MAP3K13: variants seen among roughly 807,000 people sequenced by gnomAD.
MAP3K13 encodes the protein mitogen-activated protein kinase kinase kinase 13.
In MAP3K13, 52 loss-of-function variants were observed where a neutral mutation model predicts 104.0. The observed-to-expected ratio is 0.50, with a 90% CI of 0.40 to 0.63. MAP3K13 has a LOEUF of 0.63. Among genes scored for constraint, MAP3K13 ranks in the 20% least tolerant of loss-of-function variants. The pLI, the probability that MAP3K13 is intolerant of heterozygous loss-of-function variation, is 0.00. For missense variants in MAP3K13, 914 were observed against 1,218.5 expected (o/e 0.75, Z 3.72); for synonymous variants, 394 against 442.2 (o/e 0.89, Z 1.37).
At chr3:185,449,170 G>A (rs372852817) in intron 5 of MAP3K13, among the ~76,000 whole-genome samples, 21 of 151,942 alleles carry the variant, frequency 1.4e-4, no homozygotes, top group East Asian at 1.4e-3. Flanking sequence ...TCAGGAGTTC[G>A]AGACCAGCCT....
At chr3:185,369,091 A>G (rs1379682085) in intron 1 of MAP3K13, among the ~76,000 whole-genome samples, 1 of 152,254 alleles carries the variant, frequency 6.6e-6, no homozygotes, top group Non-Finnish European at 1.5e-5. Context: ...AGTGAATAAA[A>G]CAGACAAAAA....
intron 1 of MAP3K13, among the ~76,000 whole-genome samples, chr3:185,416,723 G>A (rs1226833011): frequency 6.6e-6 from 1 of 151,958 alleles, no homozygotes; most frequent in East Asian, 1.9e-4. Flanking sequence ...AGACCCTCTG[G>A]GCTCAAGTGA....
rs1010385675 is a variant in MAP3K13 at position 185,416,807 on chromosome 3, G to A, written c.-85-11690G>A. Reference sequence around the variant, plus strand: ...CAGCTATTTTTTTTTTTTTTTTGTAGTAACAGGGTCTCACTGTGTTGCCCA... The same window carrying A: ...CAGCTATTTTTTTTTTTTTTTTGTAATAACAGGGTCTCACTGTGTTGCCCA... On this transcript the variant is annotated intron_variant, in intron 1 of 13. Transcript: ENST00000265026. 4.7e-4 allele frequency among the ~76,000 whole-genome samples: 68 copies of A among 146,104 alleles called. 1 individual carries two copies. The highest frequency in any genetic ancestry group is 1.7e-3 in the African/African-American group (67 of 39,570).
intron 1 of MAP3K13, among the ~76,000 whole-genome samples, chr3:185,396,563 A>T (rs1367324086): frequency 6.6e-6 from 1 of 152,212 alleles, no homozygotes; most frequent in Non-Finnish European, 1.5e-5. Context: ...CATGGCTATT[A>T]TGAGGCTCAA....
intron 4 of MAP3K13, among the ~76,000 whole-genome samples, chr3:185,446,312 G>C (rs1282953600): frequency 1.3e-5 from 2 of 150,850 alleles, no homozygotes; most frequent in East Asian, 3.9e-4. Context: ...CTGTAGTGCA[G>C]TGGCACAATC....
intron 7 of MAP3K13, among the ~76,000 whole-genome samples, chr3:185,462,792 TAAAC>T (rs974976300): frequency 4.1e-4 from 62 of 152,178 alleles, no homozygotes; most frequent in African/African-American, 1.4e-3. Context: ...AATAAATAAA[TAAAC>T]AAATTTTTTT....
intron 8 of MAP3K13, among the ~76,000 whole-genome samples, chr3:185,464,366 C>T (rs1268668512): frequency 1.3e-5 from 2 of 152,130 alleles, no homozygotes; most frequent in East Asian, 1.9e-4. Context: ...CCAAATCTCA[C>T]CTCATATTGT....
intron 2 of MAP3K13, among the ~76,000 whole-genome samples, chr3:185,322,080 T>C (rs1253330676): frequency 2.0e-5 from 3 of 152,260 alleles, no homozygotes; most frequent in African/African-American, 7.2e-5. Context: ...GGATTTGTCT[T>C]TAAAAGCTCA....
At chr3:185,319,401 A>G (rs1222558953) in intron 2 of MAP3K13, among the ~76,000 whole-genome samples, 1 of 152,274 alleles carries the variant, frequency 6.6e-6, no homozygotes, top group African/African-American at 2.4e-5. Context: ...GCACACATAG[A>G]AAATGATAGA....
chr3:185,308,953 A>T (rs1434119992), intron 2 of MAP3K13, among the ~76,000 whole-genome samples: 7 of 151,942 alleles, frequency 4.6e-5, no homozygotes, highest in African/African-American at 1.7e-4. Flanking sequence ...TTTTTGGGCC[A>T]TATGTTGTTG....
chr3:185,343,743 G>A (rs73193048), intron 2 of MAP3K13, among the ~76,000 whole-genome samples: 4 of 152,068 alleles, frequency 2.6e-5, no homozygotes, highest in East Asian at 1.9e-4. Context: ...AAGCCACTGC[G>A]CCTGGCTGGA....
chr3:185,386,895 T>C (rs1275711589), intron 1 of MAP3K13, among the ~76,000 whole-genome samples: 1 of 152,098 alleles, frequency 6.6e-6, no homozygotes, highest in African/African-American at 2.4e-5. Flanking sequence ...TACTGAATCC[T>C]GTCAGAGGGC....
intron 1 of MAP3K13, chr3:185,417,708 T>A: frequency 6.2e-7 from 1 of 1,610,188 alleles, no homozygotes. Context: ...GTGCTGCTGC[T>A]GCAGCAGCTG....
At chr3:185,457,117 C>T (rs1478800603) in intron 7 of MAP3K13, among the ~76,000 whole-genome samples, 1 of 110,214 alleles carries the variant, frequency 9.1e-6, no homozygotes, top group Non-Finnish European at 2.1e-5. Context: ...GAGCCCTGTG[C>T]AGGGCAGCTA....
Position 185,473,592 on chromosome 3 carries a change from G to A in MAP3K13, c.2261G>A (p.Ser754Asn). 6.2e-7 allele frequency: 1 copy of A among 1,614,166 alleles called. No homozygotes were observed. Among genetic ancestry groups the A allele is most frequent in the Non-Finnish European group, 8.5e-7 (1 of 1,180,046 alleles). ...CCCTCTGCTGAGCCAGTGGGGAGGA[G>A]CCCTGACCTTTCCAAGTCACCAGCA... ...DIPSAEPVGR[S>N]PDLSKSPAHN... Residue 754 changes from serine to asparagine, a missense_variant, in exon 11 of 14, where the codon AGC (serine) becomes AAC (asparagine). Transcript: ENST00000265026. The surrounding 1 kb of genome is among the most constrained non-coding windows in gnomAD (Gnocchi z 4.9).
chr3:185,400,331 T>C (rs550033004), intron 1 of MAP3K13, among the ~76,000 whole-genome samples: 1 of 152,352 alleles, frequency 6.6e-6, no homozygotes, highest in East Asian at 1.9e-4. Context: ...TTCCCTTCTT[T>C]GTACTTCAAT....
chr3:185,455,330 GATATATATGAGATATATATGAT>G (rs1175478971), intron 7 of MAP3K13, among the ~76,000 whole-genome samples: 742 of 23,306 alleles, frequency 0.032, 208 homozygotes, highest in Non-Finnish European at 0.07. Flanking sequence ...AGATATATAT[GATATATATGAGATATATATGAT>G]ATATATATGA....
At chr3:185,437,750 G>A (rs560958594) in intron 3 of MAP3K13, 120 bp downstream of exon 3, 139 of 941,170 alleles carry the variant, frequency 1.5e-4, no homozygotes, top group Non-Finnish European at 2.1e-4. Flanking sequence ...CACTGTGCTA[G>A]GTGCTTTGGG....
At chr3:185,362,475 A>G (rs564254775), upstream of MAP3K13, among the ~76,000 whole-genome samples, 164 of 152,338 alleles carry the variant, frequency 1.1e-3, 1 homozygote, top group African/African-American at 3.7e-3. Flanking sequence ...ACTGTACCCT[A>G]CTTAAAAGTA....
Sources: allele counts gnomAD v4.1 joint callset (sites outside exome capture counted in the v4.1 genomes callset), GRCh38; gene constraint gnomAD v4.1.1; non-coding constraint Gnocchi (gnomAD v3.1); transcripts MANE v1.5; gene names NCBI Gene and HGNC (gene_info 2026-07-23, HGNC 2026-07-21).